Variants in FIG4 observed in about 807,000 individuals in gnomAD.
FIG4 encodes the protein polyphosphoinositide phosphatase.
A neutral mutation model predicts 118.6 loss-of-function variants in FIG4; 112 were observed. The ratio of observed to expected loss-of-function variants is 0.94; its 90% CI spans 0.81 to 1.11. FIG4 has a LOEUF of 1.11. FIG4 is among the 50% of genes least tolerant of loss of function. FIG4 has a pLI of 0.00. For missense variants in FIG4, 969 were observed against 1,111.7 expected (o/e 0.87, Z 1.83); for synonymous variants, 369 against 381.2 (o/e 0.97, Z 0.37).
intron 16 of FIG4, among the ~76,000 whole-genome samples, chr6:109,784,725 C>G (rs1777903163): frequency 6.6e-6 from 1 of 152,172 alleles, no homozygotes; most frequent in East Asian, 1.9e-4. Flanking sequence ...TCTTGACTCT[C>G]AGGTGTATTC....
At chr6:109,704,498 A>C (rs761463598) in intron 1 of FIG4, among the ~76,000 whole-genome samples, 1 of 152,078 alleles carries the variant, frequency 6.6e-6, no homozygotes, top group Non-Finnish European at 1.5e-5. Flanking sequence ...TCTACTAAAA[A>C]TACAACAACA....
At chr6:109,726,625 T>C (rs6568601) in intron 3 of FIG4, among the ~76,000 whole-genome samples, 43,702 of 152,038 alleles carry the variant, frequency 0.29, 6,755 homozygotes, top group Non-Finnish European at 0.35. Context: ...TTTAAAGTAG[T>C]TTTTTCTAAT....
chr6:109,722,051 C>A (rs1348203261), intron 3 of FIG4, among the ~76,000 whole-genome samples: 2 of 151,978 alleles, frequency 1.3e-5, no homozygotes, highest in Non-Finnish European at 2.9e-5. Context: ...CAATTACATT[C>A]CATTTTTAAG....
At chr6:109,789,564 A>C (rs772457381) in intron 18 of FIG4, 30 bp from the exon 19 acceptor site, 2 of 1,482,102 alleles carry the variant, frequency 1.3e-6, no homozygotes, top group Non-Finnish European at 1.9e-6. Flanking sequence ...ACAGTAATTC[A>C]TATGTAATTG....
At chr6:109,786,874 A>G (rs1777974963) in intron 18 of FIG4, among the ~76,000 whole-genome samples, 1 of 152,074 alleles carries the variant, frequency 6.6e-6, no homozygotes, top group African/African-American at 2.4e-5. Flanking sequence ...TATTTTCTTA[A>G]TCTGTCTTTC....
chr6:109,691,319 A>G lies in FIG4; in HGVS notation c.-117A>G, dbSNP rs796189004. On this transcript the variant is annotated 5_prime_UTR_variant, in exon 1 of 23. Transcript: ENST00000230124. ...CTGATCATCTATAGGTTTAGTGCCT[A>G]ATGGGTGTTGTTCCTGGCTGGACTT... The G allele has an allele frequency of 6.2e-6, 5 of 809,514 alleles. No homozygotes were observed. In the African/African-American group the frequency reaches 6.8e-5, roughly 11 times the overall value. The allele number at this position is 809,514 out of a possible 1,614,324, so 50.1% of individuals were successfully genotyped here.
chr6:109,779,200 T>C (rs555373955), intron 16 of FIG4, among the ~76,000 whole-genome samples: 166 of 152,258 alleles, frequency 1.1e-3, no homozygotes, highest in Admixed American at 1.9e-3. Context: ...CATAGGTAAA[T>C]ATGGTTGATT....
chr6:109,785,619 T>C, intron 17 of FIG4: 1 of 467,012 alleles, frequency 2.1e-6, no homozygotes, highest in Non-Finnish European at 4.4e-6. Context: ...TAGTTCTGGC[T>C]TTGTTACTAA....
At chr6:109,712,390 C>T (rs1022373258) in intron 1 of FIG4, among the ~76,000 whole-genome samples, 6 of 152,122 alleles carry the variant, frequency 3.9e-5, no homozygotes, top group Non-Finnish European at 5.9e-5. Context: ...ACCAGTGAGT[C>T]GTAGAGTCAG....
chr6:109,760,493 A>G, intron 11 of FIG4, 110 bp downstream of exon 11: 4 of 1,057,694 alleles, frequency 3.8e-6, no homozygotes, highest in Non-Finnish European at 5.8e-6. Flanking sequence ...AATTTCCTTC[A>G]TGAACCTGTT....
At chr6:109,786,071 C>A (rs1385889261) in intron 17 of FIG4, 2 of 536,152 alleles carry the variant, frequency 3.7e-6, no homozygotes, top group Non-Finnish European at 6.6e-6. Context: ...TTCCTGAGGC[C>A]CTCCTGGCTC....
At position 109,791,706 on chromosome 6, in the gene FIG4, G is replaced by A. The variant is rs548779745; in HGVS notation, c.2376+135G>A. 5.0e-4 allele frequency: 375 copies of A among 757,392 alleles called. 1 individual carries two copies. Among genetic ancestry groups the A allele is most frequent in the South Asian group, 4.9e-3 (332 of 67,640 alleles). The allele number at this position is 757,392 out of a possible 1,614,324, so 46.9% of individuals were successfully genotyped here. On this transcript the variant is annotated intron_variant, in intron 20 of 22. Coordinates refer to ENST00000230124, the MANE Select transcript of FIG4 (RefSeq NM_014845.6). ...CTGTTGTGTTTGAGGCACTGCATAA[G>A]ATGAATACATTTAGCATTTACATGA... is the stretch of plus-strand genomic sequence containing the variant.
intron 21 of FIG4, among the ~76,000 whole-genome samples, chr6:109,793,787 T>C (rs1246474326): frequency 6.6e-6 from 1 of 152,230 alleles, no homozygotes; most frequent in Admixed American, 6.5e-5. Context: ...ATATAAAATA[T>C]AAAATGCACA....
intron 7 of FIG4, among the ~76,000 whole-genome samples, chr6:109,740,212 A>G (rs935294568): frequency 2.0e-5 from 3 of 152,166 alleles, no homozygotes; most frequent in Admixed American, 1.3e-4. Context: ...GCTGTTTTGT[A>G]TTTCCAAGAG....
At chr6:109,789,265 C>G (rs1271829676) in intron 18 of FIG4, among the ~76,000 whole-genome samples, 4 of 152,162 alleles carry the variant, frequency 2.6e-5, no homozygotes, top group African/African-American at 9.7e-5. Flanking sequence ...GTAGATGATA[C>G]TTAAATTCAA....
intron 22 of FIG4, among the ~76,000 whole-genome samples, chr6:109,823,588 C>T (rs931012100): frequency 6.6e-6 from 1 of 152,074 alleles, no homozygotes; most frequent in Non-Finnish European, 1.5e-5. Context: ...CAACTTCCAT[C>T]TTCCTTTGTA....
intron 22 of FIG4, among the ~76,000 whole-genome samples, chr6:109,814,765 G>A (rs1778814028): frequency 6.6e-6 from 1 of 151,910 alleles, no homozygotes; most frequent in Non-Finnish European, 1.5e-5. Flanking sequence ...TTTGATTTCT[G>A]GCACAAGATG....
Position 109,715,276 on chromosome 6 carries a change from A to T in FIG4, c.165+100A>T, listed in dbSNP as rs6924436. On this transcript the variant is annotated intron_variant, in intron 2 of 22. Transcript: ENST00000230124. ...TTTTTAGTGATATATTATTTTTATC[A>T]TAAATCTAAAAGTTTCCGTTATTTT... 0.28 allele frequency: 186,010 copies of T among 662,734 alleles called. 29,484 individuals carry two copies. Among genetic ancestry groups the T allele is most frequent in the Non-Finnish European group, 0.34 (128,435 of 375,518 alleles). The allele number at this position is 662,734 out of a possible 1,614,324, so 41.1% of individuals were successfully genotyped here.
intron 13 of FIG4, 114 bp downstream of exon 13, chr6:109,764,096 T>C: frequency 1.4e-6 from 1 of 714,240 alleles, no homozygotes; most frequent in Non-Finnish European, 2.4e-6. Flanking sequence ...GAATTATTAT[T>C]TGAGAATGAT....
Sources: allele counts gnomAD v4.1 joint callset (sites outside exome capture counted in the v4.1 genomes callset), GRCh38; gene constraint gnomAD v4.1.1; transcripts MANE v1.5; gene names NCBI Gene and HGNC (gene_info 2026-07-23, HGNC 2026-07-21).